Variants in UQCC1 observed in about 807,000 individuals in gnomAD.
UQCC1 encodes bFGF-repressed Zic-binding protein.
A neutral mutation model predicts 48.0 loss-of-function variants in UQCC1; 38 were observed. The observed-to-expected ratio is 0.79, with a 90% CI of 0.61 to 1.04. UQCC1 has a LOEUF of 1.04. UQCC1 is among the 50% of genes least tolerant of loss of function. UQCC1 has a pLI of 0.00. For missense variants in UQCC1, 368 were observed against 381.8 expected (o/e 0.96, Z 0.30); for synonymous variants, 111 against 129.2 (o/e 0.86, Z 0.95).
chr20:35,352,591 A>T (rs1236218653), intron 6 of UQCC1, among the ~76,000 whole-genome samples: 1 of 152,212 alleles, frequency 6.6e-6, no homozygotes, highest in African/African-American at 2.4e-5. Context: ...GTCCCATAAG[A>T]TTATAATGGA....
chr20:35,407,786 G>C (rs889854966), intron 1 of UQCC1, among the ~76,000 whole-genome samples: 1 of 152,198 alleles, frequency 6.6e-6, no homozygotes, highest in African/African-American at 2.4e-5. Context: ...ATTTTGGGAG[G>C]CCGAGGCAGG....
chr20:35,392,286 T>C (rs1228884489), intron 2 of UQCC1: 4 of 1,304,172 alleles, frequency 3.1e-6, no homozygotes, highest in Non-Finnish European at 2.0e-6. Context: ...ACCTCAAAGA[T>C]AGGAAGATAC....
intron 7 of UQCC1, among the ~76,000 whole-genome samples, chr20:35,335,490 AGAAG>A (rs1225395396): frequency 1.3e-5 from 2 of 152,240 alleles, no homozygotes; most frequent in African/African-American, 4.8e-5. Flanking sequence ...AAAAGACAAA[AGAAG>A]GAATGAAGTA....
intron 7 of UQCC1, among the ~76,000 whole-genome samples, chr20:35,320,934 G>C (rs2061117029): frequency 6.6e-6 from 1 of 152,218 alleles, no homozygotes; most frequent in Admixed American, 6.5e-5. Flanking sequence ...AAGATTGTAG[G>C]TCATGTTTTA....
At chr20:35,357,864 T>G (rs1412354449) in intron 6 of UQCC1, among the ~76,000 whole-genome samples, 1 of 152,070 alleles carries the variant, frequency 6.6e-6, no homozygotes, top group Non-Finnish European at 1.5e-5. Flanking sequence ...ACAGCTCACT[T>G]TAACTCACAT....
At chr20:35,370,174 T>C (rs758167570) in intron 5 of UQCC1, among the ~76,000 whole-genome samples, 1 of 151,888 alleles carries the variant, frequency 6.6e-6, no homozygotes, top group African/African-American at 2.4e-5. Context: ...AAGTGAGCAA[T>C]GACCACTTTA....
In UQCC1 at chr20:35,341,175, C is replaced by T. The variant is rs185317086; in HGVS notation, c.573+5989G>A. Among the ~76,000 whole-genome samples, 46 of 147,136 alleles carry T rather than the reference C, an allele frequency of 3.1e-4. 1 individual carries two copies. The East Asian group carries it at 8.9e-3, about 29-fold the overall frequency. On this transcript the variant is annotated intron_variant, in intron 7 of 9. Coordinates refer to ENST00000374385, the MANE Select transcript of UQCC1 (RefSeq NM_018244.5). The stretch of plus-strand genomic sequence containing the variant: ...GGCAGAGGTTGCAGTGAGCCAAGGT[C>T]GCGCCACTGTACTCCAGTCTGGGTG...
chr20:35,363,664 C>A (rs575466284), intron 6 of UQCC1, among the ~76,000 whole-genome samples: 1 of 152,164 alleles, frequency 6.6e-6, no homozygotes, highest in Admixed American at 6.5e-5. Context: ...GAAATGTCAG[C>A]GACCAGGGTA....
chr20:35,341,272 A>G (rs2061376039), intron 7 of UQCC1, among the ~76,000 whole-genome samples: 1 of 151,764 alleles, frequency 6.6e-6, no homozygotes, highest in African/African-American at 2.4e-5. Flanking sequence ...AACATAATAT[A>G]CCCTATGTAT....
chr20:35,318,902 T>C (rs1032487648), intron 7 of UQCC1, among the ~76,000 whole-genome samples: 1 of 152,184 alleles, frequency 6.6e-6, no homozygotes, highest in Non-Finnish European at 1.5e-5. Context: ...GGTGTGCAGG[T>C]TCCCCACCTC....
At chr20:35,391,274 A>G (rs2062011385) in intron 2 of UQCC1, among the ~76,000 whole-genome samples, 1 of 152,192 alleles carries the variant, frequency 6.6e-6, no homozygotes, top group African/African-American at 2.4e-5. Context: ...GAAACATTCT[A>G]CAAATAACTG....
chr20:35,381,114 C>T (rs996241292), intron 4 of UQCC1, among the ~76,000 whole-genome samples: 3 of 152,158 alleles, frequency 2.0e-5, no homozygotes, highest in Non-Finnish European at 2.9e-5. Context: ...GCAGAGAGGA[C>T]ATTCATTCAT....
chr20:35,326,919 T>A (rs2061201215), intron 7 of UQCC1, among the ~76,000 whole-genome samples: 1 of 152,206 alleles, frequency 6.6e-6, no homozygotes, highest in Non-Finnish European at 1.5e-5. Context: ...GTTGGTCAGT[T>A]CTTTGCTAAT....
At chr20:35,406,032 GA>G (rs1421696811) in intron 1 of UQCC1, among the ~76,000 whole-genome samples, 2 of 151,480 alleles carry the variant, frequency 1.3e-5, no homozygotes, top group Non-Finnish European at 2.9e-5. Flanking sequence ...CCAAGGAACA[GA>G]AAGAAAAAGC....
At chr20:35,326,409 T>A (rs1207593147) in intron 7 of UQCC1, among the ~76,000 whole-genome samples, 1 of 152,214 alleles carries the variant, frequency 6.6e-6, no homozygotes, top group Non-Finnish European at 1.5e-5. Flanking sequence ...TCTTGTATGA[T>A]TTTAGCAATC....
chr20:35,393,218 A>G (rs914713427), intron 2 of UQCC1, among the ~76,000 whole-genome samples: 2 of 152,184 alleles, frequency 1.3e-5, no homozygotes, highest in African/African-American at 4.8e-5. Flanking sequence ...GGAATTATTA[A>G]TAAGTAATTA....
intron 4 of UQCC1, among the ~76,000 whole-genome samples, chr20:35,376,576 T>G (rs2061802873): frequency 6.6e-6 from 1 of 151,488 alleles, no homozygotes; most frequent in Non-Finnish European, 1.5e-5. Flanking sequence ...TTGTATCTAT[T>G]AAAGAAATTG....
chr20:35,343,621 T>C (rs1181167565), intron 7 of UQCC1, among the ~76,000 whole-genome samples: 3 of 152,220 alleles, frequency 2.0e-5, no homozygotes, highest in African/African-American at 4.8e-5. Flanking sequence ...TCCCCAACTC[T>C]TCCAAATCTC....
Position 35,306,722 on chromosome 20 carries a change from G to T in UQCC1, c.709C>A (p.Arg237=), listed in dbSNP as rs140019251. 281 of 1,613,952 alleles carry T rather than the reference G, an allele frequency of 1.7e-4. No individual in the cohort carries two copies. In the African/African-American group the frequency reaches 3.2e-3, roughly 18 times the overall value. ...AAALWRTFFN[R]KCEDPRHLEL... ...AGATGTCGAGGGTCTTCACATTTCC[G>T]GTTGAAGAAGGTTCTCCAGAGGGCA... The change falls in exon 9 of 10, where the codon CGG becomes AGG. Residue 237 remains arginine (R), a synonymous_variant. Transcript: ENST00000374385.
Sources: gnomAD v4.1 joint callset for allele counts (sites outside exome capture counted in the v4.1 genomes callset) on GRCh38, gnomAD v4.1.1 for gene constraint, MANE v1.5 for transcripts, NCBI Gene and HGNC (gene_info 2026-07-23, HGNC 2026-07-21) for gene names.